SSR2: variants seen among roughly 807,000 people sequenced by gnomAD.
The protein encoded by SSR2 is signal sequence receptor subunit 2, also known as translocon-associated protein subunit beta.
SSR2 carries 16 observed loss-of-function variants against 22.6 expected under a neutral mutation model. That is an observed-to-expected ratio of 0.71 (90% confidence interval 0.48 to 1.08). The LOEUF (loss-of-function observed/expected upper bound fraction) is 1.08, where lower values mean the gene tolerates loss of function less well. Ranked by LOEUF, SSR2 falls within the 50% of genes least tolerant of loss-of-function variation. SSR2 has a pLI of 0.00. For synonymous variants in SSR2, 83 were observed against 91.2 expected, an observed-to-expected ratio of 0.91 and a Z score of 0.51; for missense variants, 171 against 221.6, an observed-to-expected ratio of 0.77 and a Z score of 1.45.
chr1:156,012,437 T>C (rs1682990686), intron 4 of SSR2: 3 of 438,524 alleles, frequency 6.8e-6, no homozygotes, highest in African/African-American at 6.1e-5. Context: ...TTCCTTTGTC[T>C]TGGAGAGGAA....
chr1:156,018,844 G>A lies in SSR2; in HGVS notation c.156-476C>T, dbSNP rs112270780. Among the ~76,000 whole-genome samples, 1,282 of 151,360 alleles carry A rather than the reference G, an allele frequency of 8.5e-3. 22 individuals carry two copies. Among genetic ancestry groups the A allele is most frequent in the African/African-American group, 0.029 (1,207 of 41,200 alleles). ...AGCCTGGCCAACATGGTGAAACTCC[G>A]TCTCTAAAATACAAAAAATCCTGTC... On this transcript the variant is annotated intron_variant, in intron 2 of 5. Transcript: ENST00000295702.
chr1:156,015,481 G>C (rs1328427836), intron 3 of SSR2, among the ~76,000 whole-genome samples: 1 of 107,908 alleles, frequency 9.3e-6, no homozygotes, highest in African/African-American at 3.7e-5. Flanking sequence ...ACTCCAGCCT[G>C]GGTAACAGAG....
intron 2 of SSR2, among the ~76,000 whole-genome samples, chr1:156,018,724 A>G (rs1217590934): frequency 6.6e-6 from 1 of 151,498 alleles, no homozygotes; most frequent in Non-Finnish European, 1.5e-5. Context: ...CAAAAAAATT[A>G]AAGCAATAGT....
chr1:156,013,122 A>G (rs1683001917), intron 4 of SSR2: 1 of 152,576 alleles, frequency 6.6e-6, no homozygotes, highest in Non-Finnish European at 1.5e-5. Flanking sequence ...TGCAGTCAAT[A>G]TATGTTTATG....
chr1:156,017,007 C>T (rs1380803115), intron 3 of SSR2, among the ~76,000 whole-genome samples: 1 of 152,150 alleles, frequency 6.6e-6, no homozygotes, highest in Non-Finnish European at 1.5e-5. Context: ...CCAGTCTCAG[C>T]TTATTCTTCA....
rs767971367 is a variant in SSR2, at chr1:156,009,341, G to C, written c.*199C>G. 58 of 539,994 alleles carry C rather than the reference G, an allele frequency of 1.1e-4. No individual in the cohort carries two copies. Among genetic ancestry groups the C allele is most frequent in the Non-Finnish European group, 1.8e-4 (56 of 306,486 alleles). 33.5% of individuals were successfully genotyped at this position (539,994 alleles called of 1,614,324 possible). ...GCATTCCTGTTTATGGCTTCACGAT[G>C]GAACCAAGGAGGCTCTCGCAGACTC... On this transcript the variant is annotated 3_prime_UTR_variant, in exon 6 of 6. Transcript: ENST00000295702.
At chr1:156,019,167 A>T in intron 2 of SSR2, 1 of 387,194 alleles carries the variant, frequency 2.6e-6, no homozygotes, top group South Asian at 1.9e-5. Flanking sequence ...ATCCAGGTCA[A>T]GGACTGGATT....
chr1:156,014,484 A>T (rs1359899859), intron 4 of SSR2: 1 of 152,548 alleles, frequency 6.6e-6, no homozygotes, highest in Non-Finnish European at 1.5e-5. Context: ...ACATTAGATT[A>T]CTGTTAACTA....
At chr1:156,011,487 C>A (rs1682977450) in intron 5 of SSR2, 1 of 181,898 alleles carries the variant, frequency 5.5e-6, no homozygotes, top group African/African-American at 2.4e-5. Context: ...CTTAACCTAC[C>A]CAATGATCTA....
intron 4 of SSR2, 161 bp from the exon 5 acceptor site, chr1:156,012,048 G>A: frequency 1.8e-6 from 1 of 570,286 alleles, no homozygotes; most frequent in South Asian, 2.2e-5. Context: ...AAAGCTTTTG[G>A]CTAGAGAGAG....
chr1:156,014,436 A>G (rs1683021973), intron 4 of SSR2: 1 of 152,220 alleles, frequency 6.6e-6, no homozygotes, highest in South Asian at 2.1e-4. Flanking sequence ...TTATGATGGA[A>G]ATGTTCAAAT....
At chr1:156,010,153 A>C (rs1682960081) in intron 5 of SSR2, 1 of 152,532 alleles carries the variant, frequency 6.6e-6, no homozygotes, top group African/African-American at 2.4e-5. Context: ...TCCTGGGCTT[A>C]AGTAATCCTC....
At chr1:156,012,078 T>C (rs1271844719) in intron 4 of SSR2, 191 bp from the exon 5 acceptor site, 1 of 530,174 alleles carries the variant, frequency 1.9e-6, no homozygotes, top group Non-Finnish European at 3.4e-6. Flanking sequence ...TCTCTCTTAG[T>C]GTGTTATAAA....
At chr1:156,016,546 A>G (rs1464043406) in intron 3 of SSR2, among the ~76,000 whole-genome samples, 1 of 151,984 alleles carries the variant, frequency 6.6e-6, no homozygotes, top group African/African-American at 2.4e-5. Context: ...AAGCTCATAG[A>G]AAATCTTTTG....
chr1:156,014,731 G>A, intron 4 of SSR2: 1 of 369,448 alleles, frequency 2.7e-6, no homozygotes, highest in Non-Finnish European at 5.1e-6. Context: ...TAGTAGAGAT[G>A]GGGCTTCTGC....
At chr1:156,020,278 C>T in intron 1 of SSR2, 111 bp from the exon 2 acceptor site, 1 of 1,178,074 alleles carries the variant, frequency 8.5e-7, no homozygotes, top group Non-Finnish European at 1.2e-6. Context: ...GAACAGCAGC[C>T]CCTTCCACAG....
Position 156,018,255 on chromosome 1 carries a change from G to C in SSR2, c.254+15C>G, listed in dbSNP as rs1435691076. 2.5e-6 allele frequency: 4 copies of C among 1,608,360 alleles called. No individual in the cohort carries two copies. In the South Asian group the frequency reaches 3.3e-5, roughly 13 times the overall value. On this transcript the variant is annotated intron_variant, in intron 3 of 5. Transcript: ENST00000295702. ...CTGCCCCCCGACCCTTCATCACCAA[G>C]TGCCAAGAGGATACGGGGCAATCCG... is the stretch of plus-strand genomic sequence containing the variant.
At chr1:156,017,498 C>T (rs968405953) in intron 3 of SSR2, among the ~76,000 whole-genome samples, 8 of 151,540 alleles carry the variant, frequency 5.3e-5, no homozygotes, top group African/African-American at 1.9e-4. Context: ...TACAGGCTCC[C>T]GCCACTGCGC....
Position 156,019,406 on chromosome 1 carries a change from G to A in SSR2, c.155+607C>T, listed in dbSNP as rs879919144. The A allele has an allele frequency of 4.1e-4, 96 of 234,534 alleles. 1 individual carries two copies. The highest frequency in any genetic ancestry group is 4.4e-5 in the South Asian group (1 of 22,784). 14.5% of individuals were successfully genotyped at this position (234,534 alleles called of 1,614,324 possible). On this transcript the variant is annotated intron_variant, in intron 2 of 5. Transcript: ENST00000295702. ...AATTACACTTTTTTTTTTTTGAGAT[G>A]GAGACTCGGTCTTGTGGCTCAGGCT...
Sources: allele counts gnomAD v4.1 joint callset (sites outside exome capture counted in the v4.1 genomes callset), GRCh38; gene constraint gnomAD v4.1.1; transcripts MANE v1.5; gene names NCBI Gene and HGNC (gene_info 2026-07-23, HGNC 2026-07-21).